ADRA1B: variants seen among roughly 807,000 people sequenced by gnomAD.
ADRA1B encodes alpha-1B adrenergic receptor.
ADRA1B carries 17 observed loss-of-function variants against 17.9 expected under a neutral mutation model. That is an observed-to-expected ratio of 0.95 (90% confidence interval 0.65 to 1.42). The LOEUF (loss-of-function observed/expected upper bound fraction) is 1.42. ADRA1B is among the 40% of genes most tolerant of loss of function. ADRA1B has a pLI of 0.00. For missense variants in ADRA1B, 681 were observed against 722.1 expected, an observed-to-expected ratio of 0.94 and a Z score of 0.65; for synonymous variants, 366 against 327.6, an observed-to-expected ratio of 1.12 and a Z score of -1.27.
At chr5:159,904,500 G>GT (rs1234666426) in intron 1 of ADRA1B, among the ~76,000 whole-genome samples, 12 of 152,200 alleles carry the variant, frequency 7.9e-5, no homozygotes, top group Admixed American at 7.9e-4. Flanking sequence ...CTCACAAATC[G>GT]TGTGTGCTTC....
chr5:159,869,058 T>G (rs1753701910), intron 1 of ADRA1B: 1 of 152,204 alleles, frequency 6.6e-6, no homozygotes, highest in African/African-American at 2.4e-5. Flanking sequence ...AACAACATAT[T>G]GTAGAGAAAA....
At chr5:159,900,603 A>G (rs145805059) in intron 1 of ADRA1B, among the ~76,000 whole-genome samples, 3 of 152,352 alleles carry the variant, frequency 2.0e-5, no homozygotes, top group Admixed American at 6.5e-5. Flanking sequence ...AGTGAGAGCC[A>G]TGAAAGTGAC....
chr5:159,923,697 C>T (rs1304182182), intron 1 of ADRA1B, among the ~76,000 whole-genome samples: 1 of 152,254 alleles, frequency 6.6e-6, no homozygotes, highest in Non-Finnish European at 1.5e-5. Context: ...CTGTGAGCAA[C>T]AGCAAATCTA....
At chr5:159,869,414 G>A (rs1753707247) in intron 1 of ADRA1B, 1 of 152,188 alleles carries the variant, frequency 6.6e-6, no homozygotes, top group Non-Finnish European at 1.5e-5. Flanking sequence ...GAGCAGAACA[G>A]GTGTCCACAG....
chr5:159,894,403 C>T (rs1317893382), intron 1 of ADRA1B, among the ~76,000 whole-genome samples: 1 of 152,222 alleles, frequency 6.6e-6, no homozygotes, highest in African/African-American at 2.4e-5. Context: ...ATAATACGCT[C>T]TACTCCGTAG....
At chr5:159,919,471 G>A (rs780442426) in intron 1 of ADRA1B, among the ~76,000 whole-genome samples, 17 of 152,198 alleles carry the variant, frequency 1.1e-4, no homozygotes, top group East Asian at 1.9e-4. Flanking sequence ...CAGTTTCTTC[G>A]TCTACAAAAC....
At chr5:159,867,310 GT>G (rs1753670362) in intron 1 of ADRA1B, among the ~76,000 whole-genome samples, 1 of 152,078 alleles carries the variant, frequency 6.6e-6, no homozygotes, top group South Asian at 2.1e-4. Context: ...TCTACCCCGT[GT>G]CCCAAGGCAT....
chr5:159,898,578 T>G (rs1051769777), intron 1 of ADRA1B, among the ~76,000 whole-genome samples: 6 of 152,258 alleles, frequency 3.9e-5, no homozygotes, highest in African/African-American at 1.4e-4. Flanking sequence ...GATTTTTAAA[T>G]AGTTCATTGT....
intron 1 of ADRA1B, among the ~76,000 whole-genome samples, chr5:159,896,175 A>T (rs1440674108): frequency 6.6e-6 from 1 of 152,248 alleles, no homozygotes; most frequent in African/African-American, 2.4e-5. Context: ...TTACTTGAAG[A>T]TGAAGCAGAA....
intron 1 of ADRA1B, among the ~76,000 whole-genome samples, chr5:159,884,161 T>C (rs535472087): frequency 5.3e-5 from 8 of 152,340 alleles, no homozygotes; most frequent in Admixed American, 3.9e-4. Context: ...TGCTTCAGGA[T>C]TGGGATGCAA....
At chr5:159,865,857 C>T (rs372329345) in intron 1 of ADRA1B, among the ~76,000 whole-genome samples, 18 of 152,334 alleles carry the variant, frequency 1.2e-4, no homozygotes, top group African/African-American at 4.1e-4. Flanking sequence ...AACTCTAAAA[C>T]ATCAACACCT....
intron 1 of ADRA1B, among the ~76,000 whole-genome samples, chr5:159,873,960 CTT>C (rs1753776675): frequency 6.6e-6 from 1 of 152,120 alleles, no homozygotes; most frequent in Admixed American, 6.5e-5. Context: ...AACCCCACCT[CTT>C]TGTTTTTTTA....
At chr5:159,882,972 C>T (rs1442149442) in intron 1 of ADRA1B, among the ~76,000 whole-genome samples, 1 of 152,108 alleles carries the variant, frequency 6.6e-6, no homozygotes, top group Non-Finnish European at 1.5e-5. Context: ...GATTCAAGGT[C>T]CTAGGAGAGG....
chr5:159,898,716 C>T (rs1369568687), intron 1 of ADRA1B, among the ~76,000 whole-genome samples: 1 of 152,188 alleles, frequency 6.6e-6, no homozygotes, highest in Non-Finnish European at 1.5e-5. Context: ...AGTTTCATCA[C>T]ATCTATGTTG....
intron 1 of ADRA1B, among the ~76,000 whole-genome samples, chr5:159,926,464 G>A (rs1754654933): frequency 6.6e-6 from 1 of 152,188 alleles, no homozygotes; most frequent in Non-Finnish European, 1.5e-5. Flanking sequence ...GCCCAGGGAT[G>A]TGTACATAGT....
At chr5:159,877,239 AC>A (rs1318322376) in intron 1 of ADRA1B, among the ~76,000 whole-genome samples, 1 of 151,766 alleles carries the variant, frequency 6.6e-6, no homozygotes, top group East Asian at 1.9e-4. Flanking sequence ...TCTCCCCTCC[AC>A]CCTTTGTAAA....
downstream of ADRA1B, among the ~76,000 whole-genome samples, chr5:159,973,476 G>A (rs914838345): frequency 1.3e-5 from 2 of 152,172 alleles, no homozygotes; most frequent in African/African-American, 4.8e-5. Context: ...AGAGAGAGGG[G>A]CTGGTTCCCT....
At chr5:159,960,474 C>T (rs559373420) in intron 1 of ADRA1B, among the ~76,000 whole-genome samples, 3 of 152,188 alleles carry the variant, frequency 2.0e-5, no homozygotes, top group South Asian at 2.1e-4. Context: ...AAGATACACA[C>T]AAAAATAGTT....
the ADRA1B span, among the ~76,000 whole-genome samples, chr5:159,984,173 G>C: frequency 6.6e-6 from 1 of 151,894 alleles, no homozygotes; most frequent in Non-Finnish European, 1.5e-5. Flanking sequence ...TCAGTCCTTA[G>C]GCCTTTCTCT....
Sources: allele counts gnomAD v4.1 joint callset (sites outside exome capture counted in the v4.1 genomes callset), GRCh38; gene constraint gnomAD v4.1.1; transcripts MANE v1.5; gene names NCBI Gene and HGNC (gene_info 2026-07-23, HGNC 2026-07-21).